The following JMJD1C variants were observed in gnomAD, a reference collection of about 807,000 sequenced individuals.
JMJD1C encodes the protein jumonji domain containing 1C.
JMJD1C carries 31 observed loss-of-function variants against 245.3 expected under a neutral mutation model. The ratio of observed to expected loss-of-function variants is 0.13; its 90% CI spans 0.09 to 0.17. The LOEUF (loss-of-function observed/expected upper bound fraction) is 0.17. JMJD1C is among the 10% of genes least tolerant of loss of function. JMJD1C has a pLI of 1.00. For missense variants in JMJD1C, 2,691 were observed against 3,000.2 expected (o/e 0.90, Z 2.41); for synonymous variants, 1,057 against 1,017.4 (o/e 1.04, Z -0.74).
chr10:63,214,309 G>A lies in JMJD1C; in HGVS notation c.1858C>T (p.Pro620Ser), dbSNP rs897181564. ...TTAAGTTTAGATTTTATAGTCTCTGGAGGTGGACTTCGCTTATGCAGCTTA... is the reference window on the plus strand; with the variant it reads ...TTAAGTTTAGATTTTATAGTCTCTGAAGGTGGACTTCGCTTATGCAGCTTA... ...EDKLHKRSPP[P>S]ETIKSKLNTS... The change falls in exon 8 of 26, where the codon CCA becomes TCA. Residue 620 changes from proline to serine, a missense_variant. By Grantham distance (74) the Pro-to-Ser change is moderately conservative (BLOSUM62 -1). Coordinates refer to ENST00000399262, the MANE Select transcript of JMJD1C (RefSeq NM_032776.3). 1.2e-6 allele frequency: 2 copies of A among 1,613,984 alleles called. No individual in the cohort carries two copies. Among genetic ancestry groups the A allele is most frequent in the Non-Finnish European group, 1.7e-6 (2 of 1,179,892 alleles).
intron 3 of JMJD1C, among the ~76,000 whole-genome samples, chr10:63,248,816 G>C (rs1179755311): frequency 6.6e-6 from 1 of 152,116 alleles, no homozygotes; most frequent in African/African-American, 2.4e-5. Flanking sequence ...CCAAAATATG[G>C]ACTCCACCTA....
intron 1 of JMJD1C, among the ~76,000 whole-genome samples, chr10:63,411,708 T>C (rs1949494419): frequency 6.6e-6 from 1 of 151,478 alleles, no homozygotes; most frequent in African/African-American, 2.4e-5. Context: ...GTTCAAGTGA[T>C]TCTCCTGCCT....
At chr10:63,518,030 T>C (rs1955076968) in intron 1 of JMJD1C, among the ~76,000 whole-genome samples, 1 of 152,180 alleles carries the variant, frequency 6.6e-6, no homozygotes, top group African/African-American at 2.4e-5. Context: ...TGGCCTCAAG[T>C]GATCTGCCCT....
intron 2 of JMJD1C, among the ~76,000 whole-genome samples, chr10:63,312,149 C>T (rs1331211405): frequency 6.8e-6 from 1 of 147,632 alleles, no homozygotes; most frequent in Admixed American, 6.8e-5. Context: ...CTCTTGTTGC[C>T]CAGGCTGGAG....
intron 21 of JMJD1C, 28 bp downstream of exon 21, chr10:63,184,580 C>T (rs781528820): frequency 6.4e-7 from 1 of 1,567,640 alleles, no homozygotes; most frequent in South Asian, 1.2e-5. Flanking sequence ...ATAATTCCTA[C>T]ATGGGAGAAA....
At position 63,207,832 on chromosome 10, in the gene JMJD1C, A is replaced by G. The variant is rs1224169270; in HGVS notation, c.3837T>C (p.Asn1279=). 6.2e-7 allele frequency: 1 copy of G among 1,614,084 alleles called. No individual in the cohort carries two copies. The highest frequency in any genetic ancestry group is 8.5e-7 in the Non-Finnish European group (1 of 1,180,000). ...EQSLTEMWRP[N]NNLSKEKTEW... ...CAGTTTTCTCTTTGCTGAGGTTATT[A>G]TTAGGTCTCCACATCTCCGTCAAAC... The change falls in exon 10 of 26, where the codon AAT becomes AAC. Residue 1279 remains asparagine, a synonymous_variant. Coordinates refer to ENST00000399262, the MANE Select transcript of JMJD1C (RefSeq NM_032776.3).
At position 63,244,524 on chromosome 10, in the gene JMJD1C, A is replaced by G. The variant is rs1390005980; in HGVS notation, c.447+20127T>C. Among the ~76,000 whole-genome samples, 5 of 152,192 alleles carry G rather than the reference A, an allele frequency of 3.3e-5. No individual in the cohort carries two copies. In the East Asian group the frequency reaches 9.6e-4, roughly 29 times the overall value. On this transcript the variant is annotated intron_variant, in intron 3 of 25. Coordinates refer to ENST00000399262, the MANE Select transcript of JMJD1C (RefSeq NM_032776.3). ...CATAGACATACATCCAAAAGAAACA[A>G]CAGCAAACAGGGAATCATGACATAC...
intron 1 of JMJD1C, among the ~76,000 whole-genome samples, chr10:63,510,243 T>C (rs1954834858): frequency 6.6e-6 from 1 of 152,116 alleles, no homozygotes; most frequent in Admixed American, 6.6e-5. Flanking sequence ...GACCTCGTGA[T>C]CCACCCCCCT....
chr10:63,277,386 T>C (rs1045383908), intron 2 of JMJD1C, among the ~76,000 whole-genome samples: 11 of 151,966 alleles, frequency 7.2e-5, no homozygotes, highest in African/African-American at 2.7e-4. Context: ...AAAGATAGTC[T>C]TGTTATGCAG....
At chr10:63,430,474 A>G (rs145905728) in intron 1 of JMJD1C, among the ~76,000 whole-genome samples, 148 of 152,358 alleles carry the variant, frequency 9.7e-4, no homozygotes, top group African/African-American at 3.3e-3. Context: ...TAAGTGAAAG[A>G]AAGCTAGATG....
At chr10:63,333,008 T>C (rs1431458620) in intron 2 of JMJD1C, among the ~76,000 whole-genome samples, 1 of 152,184 alleles carries the variant, frequency 6.6e-6, no homozygotes, top group Non-Finnish European at 1.5e-5. Flanking sequence ...CTGTATATTC[T>C]ATCAGCATTG....
chr10:63,373,244 GC>G (rs1946451551), intron 2 of JMJD1C, among the ~76,000 whole-genome samples: 3 of 152,060 alleles, frequency 2.0e-5, no homozygotes, highest in Non-Finnish European at 4.4e-5. Flanking sequence ...ACAGGACCAA[GC>G]AAAAAAAGAC....
In JMJD1C at chr10:63,427,905, A is replaced by C. The variant is rs944023839; in HGVS notation, c.168+37590T>G. On this transcript the variant is annotated intron_variant, in intron 1 of 25. Transcript: ENST00000399262. Reference sequence around the variant, plus strand: ...CAGCTACAGAGAAGGCAAGGACCTCACCAGCAAGGCAGCCACCTAGAAGCA... The same window carrying C: ...CAGCTACAGAGAAGGCAAGGACCTCCCCAGCAAGGCAGCCACCTAGAAGCA... 5 of 731,714 alleles carry C rather than the reference A, an allele frequency of 6.8e-6. No homozygotes were observed. In the African/African-American group the frequency reaches 6.9e-5, roughly 10 times the overall value. 45.3% of individuals were successfully genotyped at this position (731,714 alleles called of 1,614,324 possible).
chr10:63,221,107 T>TA (rs71025127), intron 3 of JMJD1C, among the ~76,000 whole-genome samples: 88,249 of 138,790 alleles, frequency 0.64, 29,925 homozygotes, highest in Non-Finnish European at 0.78. Flanking sequence ...GACTCCGTCT[T>TA]AAAAAAAAAA....
At chr10:63,499,753 T>C (rs1279458193) in intron 1 of JMJD1C, among the ~76,000 whole-genome samples, 1 of 152,196 alleles carries the variant, frequency 6.6e-6, no homozygotes, top group Non-Finnish European at 1.5e-5. Context: ...GATTTATAAA[T>C]TCAAATGTCT....
intron 1 of JMJD1C, among the ~76,000 whole-genome samples, chr10:63,472,933 C>T (rs1953539108): frequency 6.6e-6 from 1 of 151,154 alleles, no homozygotes. Flanking sequence ...TACAGGCGAG[C>T]GCCACCACGC....
intron 1 of JMJD1C, among the ~76,000 whole-genome samples, chr10:63,397,943 A>G (rs1948608061): frequency 1.3e-5 from 2 of 152,254 alleles, no homozygotes; most frequent in Non-Finnish European, 2.9e-5. Flanking sequence ...TAACTTTGGA[A>G]TATCAAAATG....
chr10:63,411,286 G>T (rs1345357103), intron 1 of JMJD1C, among the ~76,000 whole-genome samples: 1 of 146,800 alleles, frequency 6.8e-6, no homozygotes, highest in Non-Finnish European at 1.5e-5. Context: ...ATACAAATGT[G>T]TCACTGATTT....
intron 1 of JMJD1C, among the ~76,000 whole-genome samples, chr10:63,517,301 C>T (rs1048423504): frequency 1.3e-5 from 2 of 152,168 alleles, no homozygotes; most frequent in Admixed American, 1.3e-4. Flanking sequence ...GCAGAAGATG[C>T]ACATTCCACA....
Sources: allele counts gnomAD v4.1 joint callset (sites outside exome capture counted in the v4.1 genomes callset), GRCh38; gene constraint gnomAD v4.1.1; transcripts MANE v1.5; gene names NCBI Gene and HGNC (gene_info 2026-07-23, HGNC 2026-07-21).